STAT5A: variants seen among roughly 807,000 people sequenced by gnomAD.
STAT5A encodes epididymis secretory sperm binding protein.
STAT5A carries 26 observed loss-of-function variants against 100.2 expected under a neutral mutation model. The observed-to-expected ratio is 0.26, with a 90% CI of 0.19 to 0.36. The LOEUF (loss-of-function observed/expected upper bound fraction) is 0.36, where lower values mean the gene tolerates loss of function less well. Ranked by LOEUF, STAT5A falls within the 10% of genes least tolerant of loss-of-function variation. The pLI is 1.00. For synonymous variants in STAT5A, 330 were observed against 424.3 expected (o/e 0.78, Z 2.73); for missense variants, 634 against 1,027.5 (o/e 0.62, Z 5.24).
At chr17:42,299,680 G>A in intron 5 of STAT5A, 71 bp from the exon 6 acceptor site, 1 of 1,611,880 alleles carries the variant, frequency 6.2e-7, no homozygotes, top group Admixed American at 1.7e-5. Flanking sequence ...CAGAACAGGT[G>A]AGTGGGCTTC....
rs1419625266 is a variant in STAT5A at position 42,311,141 on chromosome 17, T to C, written c.*472T>C. ...GAGAAAGAGAGAGTGTGTGGGTCTA[T>C]GTAAATGCATCTGTCCTCATGTGTT... On this transcript the variant is annotated 3_prime_UTR_variant, in exon 19 of 19. Coordinates refer to ENST00000590949, the MANE Select transcript of STAT5A (RefSeq NM_001288718.2). 1.0e-5 allele frequency: 2 copies of C among 192,282 alleles called. No individual in the cohort carries two copies. Among genetic ancestry groups the C allele is most frequent in the Non-Finnish European group, 2.2e-5 (2 of 89,860 alleles). 11.9% of individuals were successfully genotyped at this position (192,282 alleles called of 1,614,324 possible).
chr17:42,292,132 T>C, intron 4 of STAT5A, 71 bp downstream of exon 4: 3 of 1,557,708 alleles, frequency 1.9e-6, no homozygotes, highest in Admixed American at 3.4e-5. Context: ...CAGAAACAAC[T>C]GTGTTTATAT....
chr17:42,300,231 G>A lies in STAT5A; in HGVS notation c.783G>A (p.Leu261=), dbSNP rs1445821646. 2 of 1,487,394 alleles carry A rather than the reference G, an allele frequency of 1.3e-6. No homozygotes were observed. The highest frequency in any genetic ancestry group is 2.3e-5 in the Admixed American group (1 of 43,612). 92.1% of individuals were successfully genotyped at this position (1,487,394 alleles called of 1,614,324 possible). The part of the protein sequence containing the change: ...ELIQWKRRQQ[L]AGNGGPPEGS... ...TCCAGTGGAAGCGGCGGCAGCAGCT[G>A]GCCGGGAACGGCGGGCCCCCCGAGG... The change falls in exon 7 of 19, where the codon CTG becomes CTA. Residue 261 remains leucine (L), a synonymous_variant. Coordinates refer to ENST00000590949, the MANE Select transcript of STAT5A (RefSeq NM_001288718.2).
At chr17:42,307,960 G>A (rs552660757) in intron 15 of STAT5A, among the ~76,000 whole-genome samples, 3 of 152,262 alleles carry the variant, frequency 2.0e-5, no homozygotes, top group South Asian at 2.1e-4. Flanking sequence ...GCAGTTTCAC[G>A]CTCTCCCCTC....
intron 9 of STAT5A, among the ~76,000 whole-genome samples, chr17:42,302,200 T>A (rs148509695): frequency 6.6e-6 from 1 of 152,248 alleles, no homozygotes. Context: ...GTTGTAGCTG[T>A]GTTCTAGAAC....
chr17:42,289,818 G>A, intron 2 of STAT5A, 48 bp from the exon 3 acceptor site: 1 of 1,467,080 alleles, frequency 6.8e-7, no homozygotes, highest in East Asian at 2.5e-5. Context: ...TGACCTCCTT[G>A]CCCAAGGAGG....
intron 8 of STAT5A, 86 bp downstream of exon 8, chr17:42,300,956 A>G: frequency 6.3e-7 from 1 of 1,596,156 alleles, no homozygotes; most frequent in Admixed American, 1.7e-5. Flanking sequence ...CCAGACCAGC[A>G]GATCCACTTC....
Position 42,308,029 on chromosome 17 carries a change from C to T in STAT5A, c.1907-149C>T, listed in dbSNP as rs1050192059. ...ATCTGGTTTGCTGAGTAGAACATCC[C>T]GCATCGGCTTTCTTCCCTACAGGCT... On this transcript the variant is annotated intron_variant, in intron 15 of 18. Coordinates refer to ENST00000590949, the MANE Select transcript of STAT5A (RefSeq NM_001288718.2). The surrounding 1 kb of genome is among the most constrained non-coding windows in gnomAD (Gnocchi z 4.6). The T allele has an allele frequency of 9.8e-6, 11 of 1,126,326 alleles. No homozygotes were observed. The highest frequency in any genetic ancestry group is 5.4e-5 in the Admixed American group (2 of 37,208). The allele number at this position is 1,126,326 out of a possible 1,614,324, so 69.8% of individuals were successfully genotyped here. A position where few individuals can be genotyped will look rare whatever the true frequency, so the allele number is the denominator to read the frequency against.
chr17:42,306,908 T>C (rs1382745542), intron 13 of STAT5A, among the ~76,000 whole-genome samples: 2 of 151,966 alleles, frequency 1.3e-5, no homozygotes, highest in South Asian at 2.1e-4. Context: ...TTAGTAGAGA[T>C]GGGGTTTCAC....
chr17:42,309,206 G>A lies in STAT5A; in HGVS notation c.2114+108G>A, dbSNP rs555108262. Reference sequence around the variant, plus strand: ...AGCTTTCCGCTCCCCCAGGGAACCTGTCTCAGCCCTGGGGAGGGAGTCCCC... The same window carrying A: ...AGCTTTCCGCTCCCCCAGGGAACCTATCTCAGCCCTGGGGAGGGAGTCCCC... On this transcript the variant is annotated intron_variant, in intron 17 of 18. Transcript: ENST00000590949. The A allele has an allele frequency of 8.8e-6, 14 of 1,594,558 alleles. No individual in the cohort carries two copies. The South Asian group carries it at 1.4e-4, about 16-fold the overall frequency.
At chr17:42,305,483 C>G in intron 11 of STAT5A, 127 bp from the exon 12 acceptor site, 1 of 732,670 alleles carries the variant, frequency 1.4e-6, no homozygotes, top group South Asian at 1.9e-5. Flanking sequence ...GCCTGGGCAA[C>G]AAGAGTGAAA....
chr17:42,306,383 A>C lies in STAT5A; in HGVS notation c.1616A>C (p.Asn539Thr), dbSNP rs201822478. The change falls in exon 13 of 19, where the codon AAC becomes ACC. Residue 539 changes from asparagine to threonine, a missense_variant. Physicochemically the swap from Asn to Thr is moderately conservative, Grantham distance 65. Coordinates refer to ENST00000590949, the MANE Select transcript of STAT5A (RefSeq NM_001288718.2). Reference protein sequence around the residue: ...NLVFLAQKLFNNSSSHLEDYS... With the variant: ...NLVFLAQKLFTNSSSHLEDYS... ...GTGTTCCTGGCGCAGAAACTGTTCA[A>C]CAACAGCAGCAGCCACCTGGAGGAC... The C allele has an allele frequency of 9.9e-6, 16 of 1,614,130 alleles. No homozygotes were observed. In the African/African-American group the frequency reaches 1.9e-4, roughly 19 times the overall value.
intron 2 of STAT5A, 108 bp from the exon 3 acceptor site, chr17:42,289,758 T>C: frequency 7.0e-7 from 1 of 1,423,012 alleles, no homozygotes; most frequent in Non-Finnish European, 9.3e-7. Context: ...TTGTGGGCCC[T>C]GGAGTGCCCT....
chr17:42,305,038 C>CA (rs913544878), intron 11 of STAT5A, among the ~76,000 whole-genome samples: 27 of 151,142 alleles, frequency 1.8e-4, no homozygotes, highest in Non-Finnish European at 3.1e-4. Flanking sequence ...CCCGTATCTA[C>CA]AAAAAAAAGA....
intron 11 of STAT5A, 87 bp from the exon 12 acceptor site, chr17:42,305,523 A>G: frequency 8.7e-7 from 1 of 1,147,004 alleles, no homozygotes; most frequent in African/African-American, 1.6e-5. Context: ...ATACATAAAA[A>G]AAAATAAAGC....
rs768082942 is a variant in STAT5A, at chr17:42,289,950, G to A, written c.213G>A (p.Lys71=). Residue 71 remains lysine (K), a synonymous_variant, in exon 3 of 19, where the codon AAG becomes AAA. Coordinates refer to ENST00000590949, the MANE Select transcript of STAT5A (RefSeq NM_001288718.2). ...LEGLVQELQK[K]AEHQVGEDGF... is the part of the protein sequence containing the mutation. ...GCCTGGTGCAGGAGCTGCAGAAGAA[G>A]GCGGAGCACCAGGTGGGGGAAGATG... 6 of 1,609,520 alleles carry A rather than the reference G, an allele frequency of 3.7e-6. No individual in the cohort carries two copies. In the African/African-American group the frequency reaches 5.3e-5, roughly 14 times the overall value.
At position 42,305,701 on chromosome 17, in the gene STAT5A, C is replaced by T. The variant is rs370492942; in HGVS notation, c.1472C>T (p.Pro491Leu). ...CTGTGGGACAATGCCTTTGCTGAGC[C>T]GGTGAGTCCCCGTGGGAGCCCTACC... ...TVLWDNAFAE[P>L]GRVPFAVPDK... Residue 491 changes from proline (P) to leucine (L), a missense_variant and splice_region_variant, in exon 12 of 19, where the codon CCG becomes CTG. Physicochemically the swap from Pro to Leu is moderately conservative, Grantham distance 98. Transcript: ENST00000590949. 6 of 1,613,956 alleles carry T rather than the reference C, an allele frequency of 3.7e-6. No homozygotes were observed. The highest frequency in any genetic ancestry group is 1.3e-5 in the African/African-American group (1 of 75,014).
chr17:42,293,203 T>C (rs1002945145), intron 4 of STAT5A, among the ~76,000 whole-genome samples: 2 of 152,142 alleles, frequency 1.3e-5, no homozygotes, highest in African/African-American at 4.8e-5. Context: ...CTTTATTTGT[T>C]TGTTTGTTTA....
Position 42,306,460 on chromosome 17 carries a change from G to C in STAT5A, c.1680+13G>C, listed in dbSNP as rs1277078028. 6.2e-7 allele frequency: 1 copy of C among 1,603,384 alleles called. No homozygotes were observed. Among genetic ancestry groups the C allele is most frequent in the South Asian group, 1.1e-5 (1 of 89,606 alleles). On this transcript the variant is annotated intron_variant, in intron 13 of 18. Transcript: ENST00000590949. ...CCAGTTCAACAGGGTGAGGGGCCCA[G>C]CTGCCAGCCGCCCACCAGGGCCCAC...
Sources: gnomAD v4.1 joint callset for allele counts (sites outside exome capture counted in the v4.1 genomes callset) on GRCh38, gnomAD v4.1.1 for gene constraint, Gnocchi (gnomAD v3.1) non-coding constraint, MANE v1.5 for transcripts, NCBI Gene and HGNC (gene_info 2026-07-23, HGNC 2026-07-21) for gene names.